Variants in RHOBTB1 observed in about 807,000 individuals in gnomAD.
RHOBTB1 encodes the protein rho-related BTB domain-containing protein 1.
In RHOBTB1, 40 loss-of-function variants were observed where a neutral mutation model predicts 71.6. That is an observed-to-expected ratio of 0.56 (90% CI 0.43 to 0.73). The LOEUF (loss-of-function observed/expected upper bound fraction) is 0.73, where lower values mean the gene tolerates loss of function less well. Among genes scored for constraint, RHOBTB1 ranks in the 30% least tolerant of loss-of-function variants. RHOBTB1 has a pLI of 0.00. For synonymous variants in RHOBTB1, 319 were observed against 334.9 expected, an observed-to-expected ratio of 0.95 and a Z score of 0.52; for missense variants, 797 against 894.0, an observed-to-expected ratio of 0.89 and a Z score of 1.38.
chr10:60,991,587 T>C (rs1037670537), intron 1 of RHOBTB1, among the ~76,000 whole-genome samples: 1 of 152,084 alleles, frequency 6.6e-6, no homozygotes, highest in Admixed American at 6.5e-5. Flanking sequence ...CATGCCACCA[T>C]GCCCGGCTAA....
At chr10:60,886,724 G>GC (rs1554831367) in intron 6 of RHOBTB1, among the ~76,000 whole-genome samples, 62 of 141,528 alleles carry the variant, frequency 4.4e-4, no homozygotes, top group African/African-American at 1.5e-3. Context: ...ATGTGGGGGG[G>GC]GGTGGGTCTG....
chr10:60,890,132 A>G (rs1007282713), intron 5 of RHOBTB1, among the ~76,000 whole-genome samples: 2 of 152,178 alleles, frequency 1.3e-5, no homozygotes, highest in Non-Finnish European at 2.9e-5. Context: ...AATTAGAGTC[A>G]AGACTTTCCC....
In RHOBTB1 at chr10:60,980,320, G is replaced by A. The variant is rs917517397; in HGVS notation, c.-62+5525C>T. ...TCAATACAAAAATCAATAAATGTCC[G>A]CTGGACCAATTGGTAAGTTGAACAC... On this transcript the variant is annotated intron_variant, in intron 2 of 11. Transcript: ENST00000357917. Among the ~76,000 whole-genome samples the A allele has an allele frequency of 1.1e-4, 17 of 152,112 alleles. 1 individual carries two copies. Among genetic ancestry groups the A allele is most frequent in the African/African-American group, 3.9e-4 (16 of 41,494 alleles).
At chr10:60,890,669 G>T (rs1307109857) in intron 5 of RHOBTB1, among the ~76,000 whole-genome samples, 4 of 152,110 alleles carry the variant, frequency 2.6e-5, no homozygotes, top group African/African-American at 4.8e-5. Context: ...TAACACCAAA[G>T]GTAATATATA....
At chr10:60,923,434 C>T (rs1054958046) in intron 2 of RHOBTB1, among the ~76,000 whole-genome samples, 7 of 152,132 alleles carry the variant, frequency 4.6e-5, no homozygotes, top group South Asian at 2.1e-4. Flanking sequence ...AATTGAAAGC[C>T]GTGCTGGCAA....
intron 1 of RHOBTB1, among the ~76,000 whole-genome samples, chr10:60,990,306 A>G (rs1002446057): frequency 6.6e-6 from 1 of 151,974 alleles, no homozygotes; most frequent in Non-Finnish European, 1.5e-5. Flanking sequence ...TCTATGCCCA[A>G]ACTCCATCCT....
At chr10:60,982,802 G>C (rs566648059) in intron 2 of RHOBTB1, among the ~76,000 whole-genome samples, 2 of 152,254 alleles carry the variant, frequency 1.3e-5, no homozygotes, top group African/African-American at 4.8e-5. Context: ...GGGCTAGAAT[G>C]CATGTAGACT....
rs11414207 is a variant in RHOBTB1, at chr10:60,942,859, AT to A, written c.-61-1006del. Among the ~76,000 whole-genome samples the A allele has an allele frequency of 8.8e-4, 131 of 148,328 alleles. 2 individuals are homozygous for A. Among genetic ancestry groups the A allele is most frequent in the South Asian group, 4.3e-3 (20 of 4,652 alleles). Reference sequence around the variant, plus strand: ...CAAAGATGAAACCACCGATAACGGTATTTTTTTTTTTTTCTGTTTAGAGTAT... The same window carrying A: ...CAAAGATGAAACCACCGATAACGGTATTTTTTTTTTTTCTGTTTAGAGTAT... On this transcript the variant is annotated intron_variant, in intron 1 of 10. Coordinates refer to ENST00000337910, the MANE Select transcript of RHOBTB1 (RefSeq NM_014836.5).
chr10:60,988,892 G>C (rs147375832), intron 1 of RHOBTB1, among the ~76,000 whole-genome samples: 1 of 152,090 alleles, frequency 6.6e-6, no homozygotes, highest in Non-Finnish European at 1.5e-5. Context: ...TATGAAAGTC[G>C]CATTTATAGT....
chr10:60,913,970 TATAATC>T (rs1423919953), intron 2 of RHOBTB1, among the ~76,000 whole-genome samples: 1 of 152,142 alleles, frequency 6.6e-6, no homozygotes, highest in African/African-American at 2.4e-5. Flanking sequence ...TTTCAAAAAT[TATAATC>T]ATGATGCTGA....
At chr10:60,874,045 T>C (rs2080928428) in intron 9 of RHOBTB1, among the ~76,000 whole-genome samples, 2 of 152,242 alleles carry the variant, frequency 1.3e-5, no homozygotes, top group Non-Finnish European at 1.5e-5. Flanking sequence ...ACCTGCTGGA[T>C]GCCACCTCCT....
intron 2 of RHOBTB1, among the ~76,000 whole-genome samples, chr10:60,925,610 T>C (rs774742283): frequency 1.3e-5 from 2 of 151,644 alleles, no homozygotes; most frequent in Middle Eastern, 3.4e-3. Flanking sequence ...GAGATAAAAA[T>C]AGAAAAAATC....
At chr10:60,954,536 C>G (rs2085520906) in intron 2 of RHOBTB1, among the ~76,000 whole-genome samples, 1 of 151,952 alleles carries the variant, frequency 6.6e-6, no homozygotes, top group South Asian at 2.1e-4. Context: ...TAGAGGACAC[C>G]CCATTACATT....
At chr10:60,929,183 T>C (rs1043413159) in intron 2 of RHOBTB1, among the ~76,000 whole-genome samples, 6 of 151,882 alleles carry the variant, frequency 4.0e-5, no homozygotes, top group African/African-American at 1.4e-4. Flanking sequence ...GAGATTTGGG[T>C]GGGGACACAG....
At chr10:60,899,723 G>C (rs1163006800) in intron 4 of RHOBTB1, among the ~76,000 whole-genome samples, 4 of 152,204 alleles carry the variant, frequency 2.6e-5, no homozygotes, top group Non-Finnish European at 5.9e-5. Context: ...GGGATAGAGT[G>C]ATTAGTAAAA....
intron 2 of RHOBTB1, among the ~76,000 whole-genome samples, chr10:60,970,788 T>A (rs376150249): frequency 6.6e-6 from 1 of 152,182 alleles, no homozygotes; most frequent in South Asian, 2.1e-4. Context: ...AGTGCAAGAT[T>A]AATGCTATGG....
intron 1 of RHOBTB1, among the ~76,000 whole-genome samples, chr10:60,992,876 G>A (rs2086915778): frequency 6.6e-6 from 1 of 152,104 alleles, no homozygotes; most frequent in Non-Finnish European, 1.5e-5. Flanking sequence ...GCCCCACAGA[G>A]AATGCCACAA....
intron 10 of RHOBTB1, 36 bp from the exon 11 acceptor site, chr10:60,871,687 G>T: frequency 6.3e-7 from 1 of 1,589,012 alleles, no homozygotes; most frequent in Non-Finnish European, 8.6e-7. Flanking sequence ...AAGACCTGCG[G>T]TTCATTGATG....
At chr10:60,940,916 T>C (rs1007301131) in intron 2 of RHOBTB1, among the ~76,000 whole-genome samples, 2 of 152,230 alleles carry the variant, frequency 1.3e-5, no homozygotes, top group Non-Finnish European at 2.9e-5. Flanking sequence ...CATACCTGAA[T>C]GTTTAACATC....
Sources: allele counts gnomAD v4.1 joint callset (sites outside exome capture counted in the v4.1 genomes callset), GRCh38; gene constraint gnomAD v4.1.1; transcripts MANE v1.5; gene names NCBI Gene and HGNC (gene_info 2026-07-23, HGNC 2026-07-21).